The following CADPS variants were observed in gnomAD, a reference collection of about 807,000 sequenced individuals.
CADPS encodes the protein calcium-dependent secretion activator 1.
A neutral mutation model predicts 167.3 loss-of-function variants in CADPS; 57 were observed. That is an observed-to-expected ratio of 0.34 (90% CI 0.28 to 0.42). The LOEUF (loss-of-function observed/expected upper bound fraction) is 0.42, where lower values mean the gene tolerates loss of function less well. CADPS is among the 20% of genes least tolerant of loss of function. CADPS has a pLI of 1.00. For synonymous variants in CADPS, 676 were observed against 635.3 expected, an observed-to-expected ratio of 1.06 and a Z score of -0.96; for missense variants, 1,414 against 1,738.1, an observed-to-expected ratio of 0.81 and a Z score of 3.32.
chr3:62,652,513 A>G (rs1180550621), intron 4 of CADPS, among the ~76,000 whole-genome samples: 1 of 152,106 alleles, frequency 6.6e-6, no homozygotes, highest in African/African-American at 2.4e-5. Context: ...TCTGTCAAGC[A>G]GTTGAACTAG....
At chr3:62,860,049 G>C (rs2080475985) in intron 1 of CADPS, among the ~76,000 whole-genome samples, 1 of 152,152 alleles carries the variant, frequency 6.6e-6, no homozygotes, top group Non-Finnish European at 1.5e-5. Flanking sequence ...GTAACATTCA[G>C]TGTTTACCGC....
chr3:62,777,060 T>C (rs1218892435), intron 1 of CADPS, among the ~76,000 whole-genome samples: 1 of 152,148 alleles, frequency 6.6e-6, no homozygotes, highest in Admixed American at 6.5e-5. Flanking sequence ...GTCACAACTA[T>C]TAAAAATGAA....
intron 11 of CADPS, among the ~76,000 whole-genome samples, chr3:62,543,687 G>C (rs567137083): frequency 2.1e-4 from 32 of 152,030 alleles, no homozygotes; most frequent in Non-Finnish European, 4.4e-4. Flanking sequence ...TTGAAGAAAA[G>C]ACTATCATTA....
intron 7 of CADPS, among the ~76,000 whole-genome samples, chr3:62,588,207 C>T (rs1025896166): frequency 2.0e-5 from 3 of 152,128 alleles, no homozygotes; most frequent in Non-Finnish European, 2.9e-5. Flanking sequence ...CTCTTCAGTA[C>T]CTCTTGCATA....
chr3:62,412,150 T>TTTC lies in CADPS; in HGVS notation c.3778-8966_3778-8965insGAA, dbSNP rs2049077696. ...TCATTTTTAGTTGAGGGTAGGATTT[T>TTTC]TTTTTTTTTTTTTTAACGTCCGTAA... On this transcript the variant is annotated intron_variant, in intron 28 of 29. Coordinates refer to ENST00000383710, the MANE Select transcript of CADPS (RefSeq NM_003716.4). The surrounding 1 kb of genome is among the most constrained non-coding windows in gnomAD (Gnocchi z 4.1). 6.6e-6 allele frequency among the ~76,000 whole-genome samples: 1 copy of TTTC among 151,114 alleles called. No homozygotes were observed. Among genetic ancestry groups the TTTC allele is most frequent in the African/African-American group, 2.4e-5 (1 of 41,202 alleles).
intron 8 of CADPS, among the ~76,000 whole-genome samples, chr3:62,578,252 C>A (rs1047971865): frequency 2.7e-5 from 4 of 148,362 alleles, no homozygotes; most frequent in Non-Finnish European, 5.9e-5. Flanking sequence ...AAGTAAATTG[C>A]AGGTGAAGAA....
intron 1 of CADPS, among the ~76,000 whole-genome samples, chr3:62,810,849 G>A (rs1020199083): frequency 9.2e-5 from 14 of 152,340 alleles, no homozygotes; most frequent in South Asian, 4.1e-4. Flanking sequence ...GGGCTCTTAC[G>A]TGTGTTTGGT....
intron 5 of CADPS, among the ~76,000 whole-genome samples, chr3:62,647,417 G>A (rs1033678420): frequency 1.3e-5 from 2 of 152,164 alleles, no homozygotes; most frequent in African/African-American, 4.8e-5. Flanking sequence ...GTAGGCCTGG[G>A]TTGGAGCCCA....
intron 17 of CADPS, among the ~76,000 whole-genome samples, chr3:62,511,077 A>T (rs996590178): frequency 2.6e-5 from 4 of 152,042 alleles, no homozygotes; most frequent in Non-Finnish European, 4.4e-5. Flanking sequence ...CTTTGCATAA[A>T]CAGCCTTCAA....
At chr3:62,479,710 C>T (rs868744574) in intron 22 of CADPS, among the ~76,000 whole-genome samples, 9 of 152,274 alleles carry the variant, frequency 5.9e-5, no homozygotes, top group Middle Eastern at 3.4e-3. Context: ...ATAAACACGC[C>T]CTTAAAATGA....
At chr3:62,526,976 C>T (rs111693515) in intron 13 of CADPS, among the ~76,000 whole-genome samples, 1 of 152,148 alleles carries the variant, frequency 6.6e-6, no homozygotes, top group Non-Finnish European at 1.5e-5. Flanking sequence ...GATCTAAAGA[C>T]CAAATGCTTT....
At chr3:62,552,268 A>G (rs1360001535) in intron 10 of CADPS, among the ~76,000 whole-genome samples, 5 of 150,656 alleles carry the variant, frequency 3.3e-5, no homozygotes, top group Admixed American at 1.3e-4. Context: ...TAGGAGATAT[A>G]CCTAATGTTA....
chr3:62,750,072 C>T (rs1470278030), intron 3 of CADPS, among the ~76,000 whole-genome samples: 1 of 152,106 alleles, frequency 6.6e-6, no homozygotes, highest in Admixed American at 6.6e-5. Context: ...GAACTTGGGG[C>T]CAGGCACGGT....
At chr3:62,561,264 C>T (rs1174774575) in intron 9 of CADPS, among the ~76,000 whole-genome samples, 2 of 151,766 alleles carry the variant, frequency 1.3e-5, no homozygotes, top group Non-Finnish European at 2.9e-5. Flanking sequence ...GATTCTCTCT[C>T]TCTTTCTCAA....
At chr3:62,417,066 T>A (rs1246818646) in intron 28 of CADPS, among the ~76,000 whole-genome samples, 1 of 151,982 alleles carries the variant, frequency 6.6e-6, no homozygotes, top group Admixed American at 6.5e-5. Context: ...TACATTTTTC[T>A]AGCTTCGCAT....
chr3:62,495,712 T>C (rs2064608610), intron 18 of CADPS, among the ~76,000 whole-genome samples: 1 of 152,274 alleles, frequency 6.6e-6, no homozygotes, highest in South Asian at 2.1e-4. Context: ...TACGTATACA[T>C]AGAGAGAGAT....
At chr3:62,650,804 A>G (rs1232957562) in intron 5 of CADPS, 43 bp downstream of exon 5, 1 of 1,470,326 alleles carries the variant, frequency 6.8e-7, no homozygotes, top group Non-Finnish European at 9.5e-7. Context: ...CCCATGTCCT[A>G]CTTGCTGTGC....
At position 62,544,518 on chromosome 3, in the gene CADPS, G is replaced by T. The variant is rs1446937272; in HGVS notation, c.1966+5385C>A. Among the ~76,000 whole-genome samples the T allele has an allele frequency of 6.6e-6, 1 of 152,020 alleles. No individual in the cohort carries two copies. The highest frequency in any genetic ancestry group is 1.5e-5 in the Non-Finnish European group (1 of 67,988). ...GCAGTCAGGTAGCTGTGAATTACATGAAACAAAGGCATTATTTGCCATTTT... is the reference window on the plus strand; with the variant it reads ...GCAGTCAGGTAGCTGTGAATTACATTAAACAAAGGCATTATTTGCCATTTT... On this transcript the variant is annotated intron_variant, in intron 11 of 29. Transcript: ENST00000383710. This position sits in a 1 kb window ranked among gnomAD's most constrained non-coding sequence, Gnocchi z 4.4.
At chr3:62,430,270 A>C (rs2053649101) in intron 28 of CADPS, among the ~76,000 whole-genome samples, 1 of 152,208 alleles carries the variant, frequency 6.6e-6, no homozygotes, top group African/African-American at 2.4e-5. Flanking sequence ...AGACTCCAAA[A>C]GCAAAGTAAT....
Sources: allele counts gnomAD v4.1 joint callset (sites outside exome capture counted in the v4.1 genomes callset), GRCh38; gene constraint gnomAD v4.1.1; non-coding constraint Gnocchi (gnomAD v3.1); transcripts MANE v1.5; gene names NCBI Gene and HGNC (gene_info 2026-07-23, HGNC 2026-07-21).